The following ANKS1B variants were observed in gnomAD, a reference collection of about 807,000 sequenced individuals.
ANKS1B encodes ankyrin repeat and sterile alpha motif domain containing 1B.
Under a neutral mutation model 148.3 loss-of-function variants are expected in ANKS1B, and 36 were observed. The ratio of observed to expected loss-of-function variants is 0.24; its 90% CI spans 0.19 to 0.32. The LOEUF is 0.32. Among genes scored for constraint, ANKS1B ranks in the 10% least tolerant of loss-of-function variants. The pLI is 1.00. For synonymous variants in ANKS1B, 542 were observed against 560.8 expected (o/e 0.97, Z 0.47); for missense variants, 1,157 against 1,542.6 (o/e 0.75, Z 4.19).
At chr12:99,268,315 G>A (rs2076668895) in intron 12 of ANKS1B, among the ~76,000 whole-genome samples, 1 of 152,186 alleles carries the variant, frequency 6.6e-6, no homozygotes, top group Non-Finnish European at 1.5e-5. Flanking sequence ...GCAGAAATAT[G>A]AGTCCCCTTG....
chr12:98,763,407 C>G (rs562060192), intron 25 of ANKS1B, among the ~76,000 whole-genome samples: 1 of 152,150 alleles, frequency 6.6e-6, no homozygotes, highest in African/African-American at 2.4e-5. Flanking sequence ...ATTAGCAATT[C>G]TGCTAAGATG....
At chr12:99,798,145 C>T (rs535143552) in intron 4 of ANKS1B, among the ~76,000 whole-genome samples, 3 of 151,432 alleles carry the variant, frequency 2.0e-5, no homozygotes, top group South Asian at 2.1e-4. Context: ...CTGAAGCCTG[C>T]GAAAGAGAAT....
chr12:98,879,960 G>C (rs1025698421), intron 17 of ANKS1B, among the ~76,000 whole-genome samples: 3 of 152,128 alleles, frequency 2.0e-5, no homozygotes, highest in Admixed American at 6.5e-5. Context: ...AAAAGGAGTT[G>C]ATTACTGAGA....
rs77767713 is a variant in ANKS1B at position 99,140,340 on chromosome 12, G to A, written c.2526+13949C>T. On this transcript the variant is annotated intron_variant, in intron 15 of 26. Coordinates refer to ENST00000683438, the MANE Select transcript of ANKS1B (RefSeq NM_001352186.2). ...TTTCCAAAGTCCTTTAAAGTTATTTGATTTAAGGTCGCTGAGCTAGGTGGT... is the reference window on the plus strand; with the variant it reads ...TTTCCAAAGTCCTTTAAAGTTATTTAATTTAAGGTCGCTGAGCTAGGTGGT... 6.8e-3 allele frequency among the ~76,000 whole-genome samples: 1,030 copies of A among 152,240 alleles called. 10 individuals carry two copies. The highest frequency in any genetic ancestry group is 0.023 in the African/African-American group (959 of 41,524).
intron 8 of ANKS1B, among the ~76,000 whole-genome samples, chr12:99,719,512 C>T (rs1260093131): frequency 1.3e-5 from 2 of 152,196 alleles, no homozygotes; most frequent in Admixed American, 1.3e-4. Context: ...TCGCCACTCA[C>T]CAGCAAAGGC....
chr12:99,365,340 T>A (rs143892680), intron 12 of ANKS1B, among the ~76,000 whole-genome samples: 1 of 152,154 alleles, frequency 6.6e-6, no homozygotes, highest in Non-Finnish European at 1.5e-5. Flanking sequence ...CAAGTACATA[T>A]ATCAGCACAA....
At position 99,411,194 on chromosome 12, in the gene ANKS1B, G is replaced by A. The variant is rs150604092; in HGVS notation, c.1576-11383C>T. On this transcript the variant is annotated intron_variant, in intron 11 of 26. Transcript: ENST00000683438. The stretch of plus-strand genomic sequence containing the variant: ...ACCGCCTTACAAAACCCTGGGCCAG[G>A]AGCACCAGGGTTGGGGGAGCTGCTA... Among the ~76,000 whole-genome samples the A allele has an allele frequency of 2.0e-3, 307 of 152,254 alleles. 1 individual carries two copies. Among genetic ancestry groups the A allele is most frequent in the African/African-American group, 7.1e-3 (294 of 41,558 alleles).
intron 17 of ANKS1B, among the ~76,000 whole-genome samples, chr12:98,862,959 T>G (rs545343084): frequency 6.6e-6 from 1 of 152,162 alleles, no homozygotes; most frequent in Non-Finnish European, 1.5e-5. Context: ...TGGTCCAATA[T>G]AGTCTCTGCA....
At chr12:98,817,848 C>T (rs1042159660) in intron 19 of ANKS1B, among the ~76,000 whole-genome samples, 4 of 152,162 alleles carry the variant, frequency 2.6e-5, no homozygotes, top group South Asian at 4.1e-4. Flanking sequence ...ACTTCATGAT[C>T]GTGACCTTCC....
intron 9 of ANKS1B, among the ~76,000 whole-genome samples, chr12:99,617,364 A>G (rs940161809): frequency 2.0e-5 from 3 of 152,204 alleles, no homozygotes; most frequent in African/African-American, 7.2e-5. Flanking sequence ...CACTATTTAC[A>G]ATAGCAAAGA....
chr12:99,649,352 C>A (rs747458554), intron 9 of ANKS1B: 5 of 1,614,114 alleles, frequency 3.1e-6, no homozygotes, highest in Non-Finnish European at 4.2e-6. Flanking sequence ...CACATGAATG[C>A]TGAAATGTTT....
At position 98,938,479 on chromosome 12, in the gene ANKS1B, T is replaced by A. The variant is rs115372591; in HGVS notation, c.2779-106343A>T. 3.9e-3 allele frequency among the ~76,000 whole-genome samples: 596 copies of A among 152,328 alleles called. 2 individuals carry two copies. Among genetic ancestry groups the A allele is most frequent in the African/African-American group, 0.014 (583 of 41,566 alleles). On this transcript the variant is annotated intron_variant, in intron 17 of 26. Coordinates refer to ENST00000683438, the MANE Select transcript of ANKS1B (RefSeq NM_001352186.2). ...CTGTGGTTTTTAAAAGCTCCCCAGATGATTTTCATGTGCAGGCAGGGCTGA... is the reference window on the plus strand; with the variant it reads ...CTGTGGTTTTTAAAAGCTCCCCAGAAGATTTTCATGTGCAGGCAGGGCTGA...
At chr12:99,397,465 G>A (rs1555415734) in intron 12 of ANKS1B, among the ~76,000 whole-genome samples, 1 of 152,134 alleles carries the variant, frequency 6.6e-6, no homozygotes, top group East Asian at 1.9e-4. Flanking sequence ...CAAGAAATAA[G>A]TAAAGAAGTA....
intron 12 of ANKS1B, among the ~76,000 whole-genome samples, chr12:99,325,635 G>A (rs1300951579): frequency 2.0e-5 from 3 of 152,138 alleles, no homozygotes; most frequent in Non-Finnish European, 2.9e-5. Context: ...CTTGATGGTT[G>A]CTAAAATTGT....
intron 12 of ANKS1B, among the ~76,000 whole-genome samples, chr12:99,247,333 A>C (rs1046719518): frequency 2.0e-5 from 3 of 152,218 alleles, no homozygotes; most frequent in African/African-American, 7.2e-5. Context: ...TTCAAAAACC[A>C]AATTTTGAAA....
At chr12:99,835,289 G>A (rs2084672801) in intron 1 of ANKS1B, among the ~76,000 whole-genome samples, 1 of 151,176 alleles carries the variant, frequency 6.6e-6, no homozygotes, top group Non-Finnish European at 1.5e-5. Context: ...AAATTAGCCA[G>A]GCATGGTGGC....
chr12:98,756,123 G>C (rs2153419050), intron 25 of ANKS1B, among the ~76,000 whole-genome samples: 1 of 152,248 alleles, frequency 6.6e-6, no homozygotes, highest in South Asian at 2.1e-4. Flanking sequence ...GGCTGATATT[G>C]TTTAGCTGTG....
intron 9 of ANKS1B, among the ~76,000 whole-genome samples, chr12:99,605,943 T>C (rs2097848242): frequency 6.6e-6 from 1 of 152,132 alleles, no homozygotes; most frequent in African/African-American, 2.4e-5. Flanking sequence ...CTATTTTACA[T>C]TCCCATCAAC....
intron 9 of ANKS1B, among the ~76,000 whole-genome samples, chr12:99,529,378 C>T (rs1003038619): frequency 2.0e-5 from 3 of 152,138 alleles, no homozygotes; most frequent in Non-Finnish European, 2.9e-5. Context: ...ACAAGTTGGG[C>T]GTATTAGCTC....
Sources: gnomAD v4.1 joint callset for allele counts (sites outside exome capture counted in the v4.1 genomes callset) on GRCh38, gnomAD v4.1.1 for gene constraint, MANE v1.5 for transcripts, NCBI Gene and HGNC (gene_info 2026-07-23, HGNC 2026-07-21) for gene names.